CNKSR3: variants seen among roughly 807,000 people sequenced by gnomAD.
The protein encoded by CNKSR3 is CNKSR family member 3, also known as connector enhancer of kinase suppressor of ras 3.
Under a neutral mutation model 67.7 loss-of-function variants are expected in CNKSR3, and 36 were observed. That is an observed-to-expected ratio of 0.53 (90% confidence interval 0.41 to 0.70). The LOEUF (loss-of-function observed/expected upper bound fraction) is 0.70, where lower values mean the gene tolerates loss of function less well. Ranked by LOEUF, CNKSR3 falls within the 30% of genes least tolerant of loss-of-function variation. The probability of loss-of-function intolerance (pLI) is 0.00; values close to 1 mark genes in which losing one functional copy is unlikely to be tolerated. For synonymous variants in CNKSR3, 281 were observed against 271.4 expected (o/e 1.04, Z -0.35); for missense variants, 630 against 695.2 (o/e 0.91, Z 1.05).
chr6:154,413,145 C>CAT (rs1399768978), intron 10 of CNKSR3, among the ~76,000 whole-genome samples: 1 of 136,024 alleles, frequency 7.4e-6, no homozygotes, highest in Non-Finnish European at 1.6e-5. Context: ...ATGGTACACA[C>CAT]ACACACACAC....
At chr6:154,446,202 G>C (rs1478539364) in intron 2 of CNKSR3, among the ~76,000 whole-genome samples, 1 of 152,164 alleles carries the variant, frequency 6.6e-6, no homozygotes, top group Non-Finnish European at 1.5e-5. Flanking sequence ...GATCTGGCTA[G>C]AGAAACCATA....
chr6:154,424,458 A>G (rs915834697), intron 7 of CNKSR3, among the ~76,000 whole-genome samples: 1 of 152,194 alleles, frequency 6.6e-6, no homozygotes, highest in Non-Finnish European at 1.5e-5. Flanking sequence ...AACTTACATT[A>G]CTGGCTAAAT....
intron 6 of CNKSR3, among the ~76,000 whole-genome samples, chr6:154,429,676 C>T (rs182647250): frequency 4.5e-4 from 69 of 152,254 alleles, no homozygotes; most frequent in African/African-American, 1.5e-3. Flanking sequence ...TTAACAGCTC[C>T]TGACAGCTAC....
Position 154,433,455 on chromosome 6 carries a change from T to C in CNKSR3, c.549+11A>G, listed in dbSNP as rs901343596. 1.9e-6 allele frequency: 3 copies of C among 1,559,708 alleles called. No homozygotes were observed. The highest frequency in any genetic ancestry group is 2.6e-6 in the Non-Finnish European group (3 of 1,138,418). On this transcript the variant is annotated intron_variant, in intron 5 of 12. Transcript: ENST00000607772. ...ATGAATTTTACAATAACTTTTAGAA[T>C]GTATACTTACCACAGTTAAAACTTT...
At chr6:154,442,508 G>A (rs6926913) in intron 2 of CNKSR3, among the ~76,000 whole-genome samples, 49,997 of 151,196 alleles carry the variant, frequency 0.33, 10,052 homozygotes, top group African/African-American at 0.58. Flanking sequence ...TGTAGTCCCA[G>A]CTACTCGGGA....
intron 1 of CNKSR3, among the ~76,000 whole-genome samples, chr6:154,480,270 A>G (rs1786539583): frequency 6.6e-6 from 1 of 152,234 alleles, no homozygotes; most frequent in South Asian, 2.1e-4. Context: ...CATAACAGCC[A>G]TGTGATGTAT....
chr6:154,503,641 A>T (rs111261573), intron 1 of CNKSR3, among the ~76,000 whole-genome samples: 1,240 of 36,308 alleles, frequency 0.034, 20 homozygotes, highest in African/African-American at 0.14. Context: ...CCTCTTATTT[A>T]AAAAAAAAAA....
intron 4 of CNKSR3, among the ~76,000 whole-genome samples, chr6:154,438,377 T>TA (rs1785516028): frequency 6.6e-6 from 1 of 152,114 alleles, no homozygotes; most frequent in South Asian, 2.1e-4. Context: ...GTTTTATATA[T>TA]ACACACACAA....
Position 154,392,102 on chromosome 6 carries a change from C to G in CNKSR3, c.*14252G>C, listed in dbSNP as rs759173121. 6.6e-6 allele frequency: 1 copy of G among 151,516 alleles called. No homozygotes were observed. The highest frequency in any genetic ancestry group is 2.4e-5 in the African/African-American group (1 of 41,142). The allele number at this position is 151,516 out of a possible 1,614,324, so 9.4% of individuals were successfully genotyped here. A position where few individuals can be genotyped will look rare whatever the true frequency, so the allele number is the denominator to read the frequency against. ...GTGCGCACCTGTAGTCCCAGCTACT[C>G]GGGCAGCTGAGGCAGGAGAATCGCT... On this transcript the variant is annotated 3_prime_UTR_variant, in exon 13 of 13. Transcript: ENST00000607772.
chr6:154,397,458 C>T lies in CNKSR3; in HGVS notation c.*8896G>A, dbSNP rs1001247021. 18 of 152,334 alleles carry T rather than the reference C, an allele frequency of 1.2e-4. No homozygotes were observed. The highest frequency in any genetic ancestry group is 4.3e-4 in the African/African-American group (18 of 41,574). 9.4% of individuals were successfully genotyped at this position (152,334 alleles called of 1,614,324 possible). A position where few individuals can be genotyped will look rare whatever the true frequency, so the allele number is the denominator to read the frequency against. ...GCTCATCTGATCTGAATGCCCATGA[C>T]CAGCTCTTGTTTATCATTGGCATGG... On this transcript the variant is annotated 3_prime_UTR_variant, in exon 13 of 13. Transcript: ENST00000607772.
Position 154,440,301 on chromosome 6 carries a change from G to A in CNKSR3, c.507+991C>T, listed in dbSNP as rs549499693. On this transcript the variant is annotated intron_variant, in intron 4 of 12. Transcript: ENST00000607772. ...CTGTTATGGCATGGTCAGGACAGAA[G>A]GGAGGATGTTCTTTATGTTTTGCCA... Among the ~76,000 whole-genome samples the A allele has an allele frequency of 2.6e-5, 4 of 152,320 alleles. No homozygotes were observed. The East Asian group carries it at 5.8e-4, about 22-fold the overall frequency.
intron 1 of CNKSR3, among the ~76,000 whole-genome samples, chr6:154,501,604 G>A (rs1253218108): frequency 6.6e-6 from 1 of 151,914 alleles, no homozygotes; most frequent in Non-Finnish European, 1.5e-5. Flanking sequence ...ATTTTCTGAT[G>A]GCTGGTTCCT....
intron 1 of CNKSR3, among the ~76,000 whole-genome samples, chr6:154,481,739 G>C (rs998854703): frequency 1.3e-5 from 2 of 152,222 alleles, no homozygotes; most frequent in Admixed American, 1.3e-4. Context: ...AGTGACAGCA[G>C]GTGGCTGTCA....
At chr6:154,466,680 C>T (rs546378640) in intron 1 of CNKSR3, among the ~76,000 whole-genome samples, 11 of 152,098 alleles carry the variant, frequency 7.2e-5, no homozygotes, top group African/African-American at 2.4e-4. Context: ...AGTGCAGTGG[C>T]GCAATCATAG....
rs1304282734 is a variant in CNKSR3, at chr6:154,459,055, AAAAG to A, written c.53-8801_53-8798del. On this transcript the variant is annotated intron_variant, in intron 1 of 12. Transcript: ENST00000607772. ...TATCCTCAAAGCTACAAAAGAAAGA[AAAAG>A]AAAGAAAGAAGAAAAAAAGAAAGAG... Among the ~76,000 whole-genome samples, 236 of 152,102 alleles carry A rather than the reference AAAAG, an allele frequency of 1.6e-3. 1 individual carries two copies. The highest frequency in any genetic ancestry group is 4.9e-3 in the African/African-American group (203 of 41,484).
In CNKSR3 at chr6:154,441,189, G is replaced by C. The variant is rs1055893543; in HGVS notation, c.507+103C>G. 7.0e-6 allele frequency: 5 copies of C among 718,046 alleles called. No individual in the cohort carries two copies. The African/African-American group carries it at 9.4e-5, about 14-fold the overall frequency. The allele number at this position is 718,046 out of a possible 1,614,324, so 44.5% of individuals were successfully genotyped here. A position where few individuals can be genotyped will look rare whatever the true frequency, so the allele number is the denominator to read the frequency against. ...GATGGAAAAAAAACTGAGGTGGGGA[G>C]AGGAGAGTAGTACTTCATACCTGCA... On this transcript the variant is annotated intron_variant, in intron 4 of 12. Coordinates refer to ENST00000607772, the MANE Select transcript of CNKSR3 (RefSeq NM_173515.4).
chr6:154,429,124 T>C (rs1178835334), intron 6 of CNKSR3, among the ~76,000 whole-genome samples: 2 of 152,182 alleles, frequency 1.3e-5, no homozygotes, highest in Non-Finnish European at 2.9e-5. Flanking sequence ...ATTTCTGCAG[T>C]TGGACTCACC....
At chr6:154,462,038 G>A (rs1313462698) in intron 1 of CNKSR3, among the ~76,000 whole-genome samples, 1 of 152,222 alleles carries the variant, frequency 6.6e-6, no homozygotes, top group Admixed American at 6.5e-5. Flanking sequence ...TTGCCAGGCA[G>A]CATTAAAGTC....
At chr6:154,410,892 G>A in intron 11 of CNKSR3, 42 bp downstream of exon 11, 3 of 1,531,988 alleles carry the variant, frequency 2.0e-6, no homozygotes, top group Non-Finnish European at 2.7e-6. Flanking sequence ...GGGAGGAGAA[G>A]TCAAGGCCAA....
Sources: gnomAD v4.1 joint callset for allele counts (sites outside exome capture counted in the v4.1 genomes callset) on GRCh38, gnomAD v4.1.1 for gene constraint, MANE v1.5 for transcripts, NCBI Gene and HGNC (gene_info 2026-07-23, HGNC 2026-07-21) for gene names.